IGF1R: variants seen among roughly 807,000 people sequenced by gnomAD.
IGF1R encodes insulin-like growth factor 1 receptor.
IGF1R carries 44 observed loss-of-function variants against 144.6 expected under a neutral mutation model. The observed-to-expected ratio is 0.30, with a 90% CI of 0.24 to 0.39. The LOEUF (loss-of-function observed/expected upper bound fraction) is 0.39. IGF1R is among the 10% of genes least tolerant of loss of function. The pLI is 1.00. For synonymous variants in IGF1R, 795 were observed against 722.8 expected (o/e 1.10, Z -1.60); for missense variants, 1,355 against 1,833.7 (o/e 0.74, Z 4.77).
chr15:98,658,552 G>A (rs1388441232), intron 1 of IGF1R, among the ~76,000 whole-genome samples: 1 of 152,184 alleles, frequency 6.6e-6, no homozygotes, highest in Non-Finnish European at 1.5e-5. Flanking sequence ...GTTCCAGGTG[G>A]ATCTGTAAAA....
At chr15:98,696,075 G>T (rs1458905063) in intron 1 of IGF1R, among the ~76,000 whole-genome samples, 1 of 141,722 alleles carries the variant, frequency 7.1e-6, no homozygotes, top group Non-Finnish European at 1.5e-5. Flanking sequence ...GTCACATACA[G>T]AAATTATATC....
At position 98,935,125 on chromosome 15, in the gene IGF1R, C is replaced by A; in HGVS notation, c.3186+72C>A. On this transcript the variant is annotated intron_variant, in intron 16 of 20. Coordinates refer to ENST00000650285, the MANE Select transcript of IGF1R (RefSeq NM_000875.5). The surrounding 1 kb of genome is among the most constrained non-coding windows in gnomAD (Gnocchi z 4.2). Reference sequence around the variant, plus strand: ...TATCACACAAGCCTCCCAGTATGTTCTTGGCTGCATGTACCCGTGGGTTTG... The same window carrying A: ...TATCACACAAGCCTCCCAGTATGTTATTGGCTGCATGTACCCGTGGGTTTG... 7.6e-7 allele frequency: 1 copy of A among 1,307,834 alleles called. No homozygotes were observed. The highest frequency in any genetic ancestry group is 1.1e-6 in the Non-Finnish European group (1 of 908,288). 81.0% of individuals were successfully genotyped at this position (1,307,834 alleles called of 1,614,324 possible).
chr15:98,752,932 ATTTTTT>A (rs775327338), intron 2 of IGF1R, among the ~76,000 whole-genome samples: 5 of 70,114 alleles, frequency 7.1e-5, no homozygotes, highest in Admixed American at 1.5e-4. Flanking sequence ...AAATCATACT[ATTTTTT>A]TTTTTTTTTT....
chr15:98,958,492 G>A lies in IGF1R; in HGVS notation c.*1050G>A. On this transcript the variant is annotated 3_prime_UTR_variant, in exon 21 of 21. Transcript: ENST00000650285. Reference sequence around the variant, plus strand: ...CTGTTGATGCAGGTTTGCAAGGAAAGAAATTCAAACACCACAACAGCAGTA... The same window carrying A: ...CTGTTGATGCAGGTTTGCAAGGAAAAAAATTCAAACACCACAACAGCAGTA... 1 of 216,722 alleles carries A rather than the reference G, an allele frequency of 4.6e-6. No homozygotes were observed. The highest frequency in any genetic ancestry group is 6.8e-5 in the East Asian group (1 of 14,726). 13.4% of individuals were successfully genotyped at this position (216,722 alleles called of 1,614,324 possible).
rs1469887199 is a variant in IGF1R, at chr15:98,916,035, C to T, written c.1900C>T (p.Pro634Ser). 1 of 1,614,208 alleles carries T rather than the reference C, an allele frequency of 6.2e-7. No individual in the cohort carries two copies. The highest frequency in any genetic ancestry group is 1.1e-5 in the South Asian group (1 of 91,084). Residue 634 changes from proline (P) to serine (S), a missense_variant, in exon 9 of 21, where the codon CCC becomes TCC. Pro to Ser is a moderately conservative substitution (Grantham distance 74). This residue lies in a region of IGF1R where 880 missense variants were observed against 1,202.7 expected (regional missense o/e 0.73). Coordinates refer to ENST00000650285, the MANE Select transcript of IGF1R (RefSeq NM_000875.5). ...SSQLIVKWNP[P>S]SLPNGNLSYY... ...TCAGTTAATCGTGAAGTGGAACCCT[C>T]CCTCTCTGCCCAACGGCAACCTGAG...
intron 2 of IGF1R, among the ~76,000 whole-genome samples, chr15:98,785,073 G>T (rs2141402717): frequency 6.6e-6 from 1 of 152,300 alleles, no homozygotes; most frequent in Middle Eastern, 3.4e-3. Context: ...TTAAACATGG[G>T]AAATAGTTGC....
intron 1 of IGF1R, among the ~76,000 whole-genome samples, chr15:98,658,359 C>G (rs2052531381): frequency 6.6e-6 from 1 of 152,152 alleles, no homozygotes; most frequent in Non-Finnish European, 1.5e-5. Context: ...TTCTTTGGTC[C>G]TAAAGTTATT....
chr15:98,926,019 G>C (rs1412144900), intron 13 of IGF1R, among the ~76,000 whole-genome samples: 3 of 152,198 alleles, frequency 2.0e-5, no homozygotes, highest in Non-Finnish European at 2.9e-5. Context: ...GCACTCCCAT[G>C]TTCACTGCAG....
At chr15:98,713,327 C>T (rs2054039244) in intron 2 of IGF1R, among the ~76,000 whole-genome samples, 1 of 152,172 alleles carries the variant, frequency 6.6e-6, no homozygotes, top group Non-Finnish European at 1.5e-5. Flanking sequence ...ACATTTTCCC[C>T]TTGAGCAGAG....
intron 2 of IGF1R, among the ~76,000 whole-genome samples, chr15:98,865,710 C>T (rs370125794): frequency 6.6e-6 from 1 of 152,194 alleles, no homozygotes; most frequent in African/African-American, 2.4e-5. Context: ...ACCTCAATTT[C>T]CCTAGCAGAA....
chr15:98,841,284 T>A (rs2141531389), intron 2 of IGF1R, among the ~76,000 whole-genome samples: 1 of 152,364 alleles, frequency 6.6e-6, no homozygotes, highest in African/African-American at 2.4e-5. Flanking sequence ...CTGATTGGGT[T>A]CAAATCCTTG....
intron 15 of IGF1R, among the ~76,000 whole-genome samples, chr15:98,932,441 T>C (rs2015981052): frequency 1.3e-5 from 2 of 152,184 alleles, no homozygotes; most frequent in Non-Finnish European, 2.9e-5. Context: ...CAGAAACCGC[T>C]CCTGGCTGGT....
chr15:98,773,910 A>G (rs2055650637), intron 2 of IGF1R, among the ~76,000 whole-genome samples: 1 of 152,214 alleles, frequency 6.6e-6, no homozygotes, highest in Non-Finnish European at 1.5e-5. Context: ...ACAATCACTG[A>G]CAACCGCAGT....
chr15:98,914,396 G>C (rs1385991830), intron 8 of IGF1R, among the ~76,000 whole-genome samples: 1 of 152,226 alleles, frequency 6.6e-6, no homozygotes, highest in African/African-American at 2.4e-5. Flanking sequence ...TGGCAGAGAG[G>C]AGGGTGAGAA....
At chr15:98,734,936 C>T (rs907312244) in intron 2 of IGF1R, among the ~76,000 whole-genome samples, 4 of 152,170 alleles carry the variant, frequency 2.6e-5, no homozygotes, top group African/African-American at 4.8e-5. Context: ...TAAAGAAGGA[C>T]TCTATCACTC....
At chr15:98,786,311 G>C (rs2055994242) in intron 2 of IGF1R, among the ~76,000 whole-genome samples, 1 of 152,188 alleles carries the variant, frequency 6.6e-6, no homozygotes, top group Admixed American at 6.5e-5. Flanking sequence ...CTAATGCAGA[G>C]TCAGAATGAT....
chr15:98,658,025 C>T (rs2141171770), intron 1 of IGF1R, among the ~76,000 whole-genome samples: 1 of 152,286 alleles, frequency 6.6e-6, no homozygotes, highest in African/African-American at 2.4e-5. Flanking sequence ...TCCAAATACT[C>T]AGAACGTGCC....
intron 2 of IGF1R, among the ~76,000 whole-genome samples, chr15:98,810,750 G>A (rs1316965232): frequency 6.6e-6 from 1 of 151,340 alleles, no homozygotes; most frequent in East Asian, 2.0e-4. Context: ...GGGTTTCACC[G>A]TGTTAGCCAG....
intron 1 of IGF1R, among the ~76,000 whole-genome samples, chr15:98,662,359 A>G (rs1166546550): frequency 6.6e-6 from 1 of 152,072 alleles, no homozygotes; most frequent in Admixed American, 6.6e-5. Context: ...TGTTGAAACC[A>G]CTAAGTAACC....
Sources: allele counts gnomAD v4.1 joint callset (sites outside exome capture counted in the v4.1 genomes callset), GRCh38; gene constraint gnomAD v4.1.1; regional missense constraint gnomAD v4.1.1; non-coding constraint Gnocchi (gnomAD v3.1); transcripts MANE v1.5; gene names NCBI Gene and HGNC (gene_info 2026-07-23, HGNC 2026-07-21).